IGLL5: variants seen among roughly 807,000 people sequenced by gnomAD.
IGLL5 encodes immunoglobulin lambda-like polypeptide 5.
IGLL5 carries 30 observed loss-of-function variants against 20.9 expected under a neutral mutation model. The observed-to-expected ratio is 1.44, with a 90% CI of 1.07 to 1.95. The LOEUF is 1.95. Among genes scored for constraint, IGLL5 ranks in the 30% most tolerant of loss-of-function variants. The pLI is 0.00. For synonymous variants in IGLL5, 203 were observed against 117.3 expected (o/e 1.73, Z -4.72); for missense variants, 475 against 270.7 (o/e 1.75, Z -5.30).
intron 2 of IGLL5, among the ~76,000 whole-genome samples, chr22:22,895,113 A>C (rs1316426907): frequency 6.6e-6 from 1 of 151,334 alleles, no homozygotes; most frequent in East Asian, 2.0e-4. Context: ...CCCTGGGTAT[A>C]TGGAGAAATT....
In IGLL5 at chr22:22,888,188, G is replaced by C. The variant is rs766249945; in HGVS notation, c.135G>C (p.Pro45=). 6.5e-7 allele frequency: 1 copy of C among 1,548,820 alleles called. No homozygotes were observed. The highest frequency in any genetic ancestry group is 1.4e-5 in the African/African-American group (1 of 72,890). The part of the protein sequence containing the change: ...AHGLLRPMVA[P]QSGDPDPGAS... ...GCCTGCTGCGCCCAATGGTTGCACC[G>C]CAAAGCGGGGACCCAGACCCTGGAG... is the stretch of plus-strand genomic sequence containing the variant. Residue 45 remains proline (P), a synonymous_variant, in exon 1 of 3, where the codon CCG becomes CCC. Coordinates refer to ENST00000526893, the MANE Select transcript of IGLL5 (RefSeq NM_001178126.2).
chr22:22,889,086 A>T (rs184284348), intron 1 of IGLL5, among the ~76,000 whole-genome samples: 2 of 151,274 alleles, frequency 1.3e-5, no homozygotes, highest in Non-Finnish European at 2.9e-5. Context: ...TAGATTGATT[A>T]TCAGAGTCAG....
chr22:22,894,442 C>G (rs534219181), intron 2 of IGLL5, among the ~76,000 whole-genome samples: 6 of 151,464 alleles, frequency 4.0e-5, no homozygotes, highest in Middle Eastern at 3.8e-3. Context: ...GTGCCAGAAT[C>G]CAACCCTCCC....
intron 2 of IGLL5, among the ~76,000 whole-genome samples, chr22:22,894,567 C>T (rs534960038): frequency 4.0e-5 from 6 of 151,502 alleles, no homozygotes; most frequent in South Asian, 2.1e-4. Context: ...TCCTGCCTTC[C>T]TCAAAGGGCA....
intron 1 of IGLL5, among the ~76,000 whole-genome samples, chr22:22,888,808 G>C (rs187174738): frequency 5.3e-5 from 8 of 151,368 alleles, no homozygotes; most frequent in South Asian, 2.1e-4. Context: ...ACCGAGGGGA[G>C]CTGTCCAGTC....
At chr22:22,894,651 T>A (rs1601627868) in intron 2 of IGLL5, among the ~76,000 whole-genome samples, 1 of 148,956 alleles carries the variant, frequency 6.7e-6, no homozygotes, top group East Asian at 2.2e-4. Context: ...AGGTGAAGTT[T>A]GGGGTCATCA....
rs769142204 is a variant in IGLL5 at position 22,893,784 on chromosome 22, T to TGG, written c.292_293insGG (p.Val98GlyfsTer12). On this transcript the variant is annotated frameshift_variant, in exon 2 of 3. Coordinates refer to ENST00000526893, the MANE Select transcript of IGLL5 (RefSeq NM_001178126.2). LOFTEE classifies it high-confidence loss of function. The stretch of plus-strand genomic sequence containing the variant: ...GGTCTGAGCCTCAGTCACTGTGTTA[T>TGG]GTCTTCGGAACTGGGACCAAGGTCA... 1 of 1,610,440 alleles carries TGG rather than the reference T, an allele frequency of 6.2e-7. No homozygotes were observed. The highest frequency in any genetic ancestry group is 1.7e-5 in the Admixed American group (1 of 59,520).
chr22:22,895,688 T>C lies in IGLL5; in HGVS notation c.639T>C (p.Cys213=), dbSNP rs758712668. The C allele has an allele frequency of 1.9e-5, 30 of 1,612,976 alleles. 1 individual carries two copies. The highest frequency in any genetic ancestry group is 3.3e-4 in the Middle Eastern group (2 of 6,048). Residue 213 remains cysteine (C), a synonymous_variant, in exon 3 of 3, where the codon TGT becomes TGC. Transcript: ENST00000526893. ...TVEKTVAPTE[C]S is the part of the protein sequence containing the mutation. ...AGAAGACAGTGGCCCCTACAGAATG[T>C]TCATAGGTTCCCAACTCTAACCCCA...
intron 1 of IGLL5, among the ~76,000 whole-genome samples, chr22:22,888,778 A>C (rs563180671): frequency 6.6e-6 from 1 of 151,380 alleles, no homozygotes; most frequent in South Asian, 2.1e-4. Context: ...AGGCTCAAGG[A>C]CACAGGGAGG....
intron 1 of IGLL5, among the ~76,000 whole-genome samples, chr22:22,890,152 T>G (rs2067779562): frequency 6.8e-6 from 1 of 147,836 alleles, no homozygotes; most frequent in Admixed American, 6.7e-5. Context: ...TGTACATTAC[T>G]CTTTTTTCTT....
At position 22,889,422 on chromosome 22, in the gene IGLL5, A is replaced by C. The variant is rs1242515701; in HGVS notation, c.206+1163A>C. On this transcript the variant is annotated intron_variant, in intron 1 of 2. Coordinates refer to ENST00000526893, the MANE Select transcript of IGLL5 (RefSeq NM_001178126.2). The stretch of plus-strand genomic sequence containing the variant: ...GTGTTTATCTAAACTGGGCAATTCC[A>C]CTTCTAGGAATTTATCCTAAGGGTT... Among the ~76,000 whole-genome samples the C allele has an allele frequency of 2.0e-5, 3 of 151,268 alleles. 1 individual carries two copies. Among genetic ancestry groups the C allele is most frequent in the Non-Finnish European group, 4.4e-5 (3 of 67,862 alleles).
chr22:22,888,292 G>A (rs972606475), intron 1 of IGLL5, 33 bp downstream of exon 1: 3 of 1,538,742 alleles, frequency 1.9e-6, no homozygotes, highest in Non-Finnish European at 1.8e-6. Context: ...GGATGTGGGG[G>A]TCCTGCAGCA....
At chr22:22,894,187 G>A (rs2067994929) in intron 2 of IGLL5, among the ~76,000 whole-genome samples, 2 of 151,518 alleles carry the variant, frequency 1.3e-5, no homozygotes, top group East Asian at 2.0e-4. Context: ...GGCTGCTGGG[G>A]TGGGCCTGGG....
intron 1 of IGLL5, among the ~76,000 whole-genome samples, chr22:22,889,088 C>G (rs140323075): frequency 2.0e-5 from 3 of 151,250 alleles, no homozygotes; most frequent in East Asian, 2.0e-4. Context: ...GATTGATTAT[C>G]AGAGTCAGAT....
In IGLL5 at chr22:22,893,686, G is replaced by A. The variant is rs548679210; in HGVS notation, c.207-14G>A. On this transcript the variant is annotated splice_polypyrimidine_tract_variant and intron_variant, in intron 1 of 2. Transcript: ENST00000526893. The stretch of plus-strand genomic sequence containing the variant: ...CCCCGCCCACTGCAACCCTGTGCCC[G>A]TCATGCCCAGCAGGCTCCTGCTCCA... The A allele has an allele frequency of 3.2e-5, 51 of 1,574,468 alleles. 2 individuals carry two copies. Among genetic ancestry groups the A allele is most frequent in the African/African-American group, 2.8e-4 (21 of 73,920 alleles).
intron 2 of IGLL5, 122 bp downstream of exon 2, chr22:22,893,940 T>TTGCCCAATGA: frequency 1.3e-6 from 1 of 759,484 alleles, no homozygotes; most frequent in East Asian, 2.5e-5. Context: ...CCCTTACCTT[T>TTGCCCAATGA]CTCCATGGGG....
chr22:22,895,723 G>A lies in IGLL5; in HGVS notation c.*29G>A, dbSNP rs757596377. On this transcript the variant is annotated 3_prime_UTR_variant, in exon 3 of 3. Coordinates refer to ENST00000526893, the MANE Select transcript of IGLL5 (RefSeq NM_001178126.2). ...CCCAACTCTAACCCCACCCACGGGAGCCTGGAGCTGCAGGATCCCAGGGGA... is the reference window on the plus strand; with the variant it reads ...CCCAACTCTAACCCCACCCACGGGAACCTGGAGCTGCAGGATCCCAGGGGA... 1 of 1,605,416 alleles carries A rather than the reference G, an allele frequency of 6.2e-7. No individual in the cohort carries two copies. Among genetic ancestry groups the A allele is most frequent in the South Asian group, 1.1e-5 (1 of 90,864 alleles).
chr22:22,894,670 T>C (rs985056120), intron 2 of IGLL5, among the ~76,000 whole-genome samples: 2 of 151,244 alleles, frequency 1.3e-5, no homozygotes, highest in South Asian at 2.1e-4. Flanking sequence ...CACAGGCTGC[T>C]GGGGTGGGCC....
chr22:22,894,395 A>G (rs554241760), intron 2 of IGLL5, among the ~76,000 whole-genome samples: 7 of 151,478 alleles, frequency 4.6e-5, no homozygotes, highest in Middle Eastern at 3.7e-3. Context: ...GGTCATGAGG[A>G]CATGGGGACA....
Sources: gnomAD v4.1 joint callset for allele counts (sites outside exome capture counted in the v4.1 genomes callset) on GRCh38, gnomAD v4.1.1 for gene constraint, MANE v1.5 for transcripts, NCBI Gene and HGNC (gene_info 2026-07-23, HGNC 2026-07-21) for gene names.